The following NAA38 variants were observed in gnomAD, a reference collection of about 807,000 sequenced individuals.
NAA38 encodes the protein N-alpha-acetyltransferase 38, NatC auxiliary subunit, also known as LSM domain containing 1.
In NAA38, 15 loss-of-function variants were observed where a neutral mutation model predicts 12.6. The ratio of observed to expected loss-of-function variants is 1.19; its 90% CI spans 0.79 to 1.83. The LOEUF is 1.83. Ranked by LOEUF, NAA38 falls within the 40% of genes most tolerant of loss-of-function variation. NAA38 has a pLI of 0.00. For synonymous variants in NAA38, 88 were observed against 69.9 expected, an observed-to-expected ratio of 1.26 and a Z score of -1.29; for missense variants, 183 against 171.7, an observed-to-expected ratio of 1.07 and a Z score of -0.37.
intron 3 of NAA38, chr17:7,865,316 GGT>G (rs1966944894): frequency 6.6e-6 from 1 of 152,206 alleles, no homozygotes; most frequent in East Asian, 1.9e-4. Flanking sequence ...TGAGTACCAA[GGT>G]AGTCATAGCC....
At chr17:7,880,762 C>T (rs1353715360) in intron 2 of NAA38, among the ~76,000 whole-genome samples, 4 of 152,172 alleles carry the variant, frequency 2.6e-5, no homozygotes, top group African/African-American at 9.7e-5. Context: ...CTCCAATACA[C>T]ATTTCAGTGA....
intron 2 of NAA38, among the ~76,000 whole-genome samples, chr17:7,870,888 CAAAA>C (rs34959751): frequency 2.4e-5 from 3 of 122,908 alleles, no homozygotes; most frequent in Admixed American, 8.2e-5. Flanking sequence ...GACTCCACCT[CAAAA>C]AAAAAAAAAA....
intron 1 of NAA38, among the ~76,000 whole-genome samples, chr17:7,884,644 G>A (rs1299469581): frequency 1.4e-5 from 2 of 138,298 alleles, no homozygotes; most frequent in Non-Finnish European, 3.2e-5. Context: ...GGGGTGGCCC[G>A]GGGGTTTGGG....
rs1480431283 is a variant in NAA38 at position 7,868,896 on chromosome 17, GGTTT to G, written c.-65-2342_-65-2339del. On this transcript the variant is annotated intron_variant, in intron 2 of 4. Coordinates refer to the NAA38 transcript ENST00000576861. ...GAAGTTTTTGAGTCAAGTAAAATAT[GGTTT>G]GTTTCATATCATGCCAGAATTGAGC... Among the ~76,000 whole-genome samples, 13 of 152,270 alleles carry G rather than the reference GGTTT, an allele frequency of 8.5e-5. No homozygotes were observed. The East Asian group carries it at 2.5e-3, about 29-fold the overall frequency.
exon 1 of NAA38, chr17:7,885,169 C>CGGCCG (rs956616286): frequency 5.4e-5 from 53 of 980,486 alleles, no homozygotes; most frequent in Non-Finnish European, 5.7e-5. Context: ...ACCCACCGCG[C>CGGCCG]GGCCGAGCCG....
chr17:7,864,964 C>T (rs2151388583), intron 3 of NAA38: 1 of 151,872 alleles, frequency 6.6e-6, no homozygotes, highest in South Asian at 2.1e-4. Flanking sequence ...GAATTTTCTA[C>T]TTGTGGTATC....
Position 7,876,562 on chromosome 17 carries a change from G to A in NAA38, c.-66+6673C>T, listed in dbSNP as rs534071477. Among the ~76,000 whole-genome samples the A allele has an allele frequency of 6.5e-4, 99 of 151,932 alleles. 1 individual carries two copies. The highest frequency in any genetic ancestry group is 6.1e-3 in the Admixed American group (93 of 15,260). On this transcript the variant is annotated intron_variant, in intron 2 of 4. Transcript: ENST00000576861. ...TTGCTATACAAATCTCAGTTATTTG[G>A]GAGCTAACCTCAAATGCAACTACAT...
intron 2 of NAA38, among the ~76,000 whole-genome samples, chr17:7,874,932 C>CA (rs1489656911): frequency 3.4e-5 from 5 of 147,232 alleles, no homozygotes; most frequent in Admixed American, 1.4e-4. Context: ...TGGTGGCTCA[C>CA]ACCTGTAATC....
intron 2 of NAA38, among the ~76,000 whole-genome samples, chr17:7,868,055 G>T (rs913454816): frequency 6.6e-6 from 1 of 152,158 alleles, no homozygotes; most frequent in Non-Finnish European, 1.5e-5. Flanking sequence ...TGGATATATA[G>T]GACTGGATCC....
chr17:7,857,353 C>T (rs750155552), intron 1 of NAA38, 30 bp downstream of exon 1: 1 of 1,613,294 alleles, frequency 6.2e-7, no homozygotes, highest in Non-Finnish European at 8.5e-7. Flanking sequence ...TTGACTGCCC[C>T]TCAGTCCCAG....
At chr17:7,875,917 C>T (rs1447953406) in intron 2 of NAA38, among the ~76,000 whole-genome samples, 1 of 152,204 alleles carries the variant, frequency 6.6e-6, no homozygotes, top group Admixed American at 6.5e-5. Flanking sequence ...TGTCTAACTT[C>T]TCTTACTTAG....
chr17:7,878,103 TAGAA>T (rs1350966238), intron 2 of NAA38, among the ~76,000 whole-genome samples: 8 of 152,180 alleles, frequency 5.3e-5, no homozygotes, highest in East Asian at 1.9e-4. Context: ...CATTTTAAAT[TAGAA>T]AGAAAAACAT....
At chr17:7,874,860 C>T (rs531608873) in intron 2 of NAA38, among the ~76,000 whole-genome samples, 3 of 118,002 alleles carry the variant, frequency 2.5e-5, no homozygotes, top group African/African-American at 6.6e-5. Flanking sequence ...ACTCCAGCCT[C>T]GGCAATAAGA....
At chr17:7,874,885 C>CA (rs35962141) in intron 2 of NAA38, among the ~76,000 whole-genome samples, 6,074 of 44,642 alleles carry the variant, frequency 0.14, 470 homozygotes, top group East Asian at 0.28. Context: ...AACTCCATCT[C>CA]AAAAAAAAAA....
chr17:7,857,892 A>G, upstream of NAA38: 1 of 1,402,382 alleles, frequency 7.1e-7, no homozygotes, highest in Non-Finnish European at 9.3e-7. Context: ...CAACTCAATT[A>G]CTTGATCCTT....
upstream of NAA38, chr17:7,858,710 C>T (rs1441104962): frequency 2.1e-5 from 34 of 1,610,300 alleles, no homozygotes; most frequent in Non-Finnish European, 2.7e-5. Context: ...ACTGGGCCAA[C>T]GATTTTGGGA....
At chr17:7,866,343 C>T (rs373454630) in intron 3 of NAA38, 4 of 412,554 alleles carry the variant, frequency 9.7e-6, no homozygotes, top group African/African-American at 4.3e-5. Flanking sequence ...CTCCTGACCT[C>T]GTGATCCGCC....
At chr17:7,859,080 T>G (rs1597873629), upstream of NAA38, 3 of 570,796 alleles carry the variant, frequency 5.3e-6, no homozygotes, top group East Asian at 8.7e-5. Context: ...ATGGTGGTCC[T>G]TCGAAGCTCT....
upstream of NAA38, chr17:7,858,680 G>C: frequency 6.2e-7 from 1 of 1,611,104 alleles, no homozygotes; most frequent in Non-Finnish European, 8.5e-7. Context: ...TGCACGTTCC[G>C]CCTCAGCTGC....
Sources: allele counts gnomAD v4.1 joint callset (sites outside exome capture counted in the v4.1 genomes callset), GRCh38; gene constraint gnomAD v4.1.1; transcripts MANE v1.5; gene names NCBI Gene and HGNC (gene_info 2026-07-23, HGNC 2026-07-21).